CACNA1E: variants seen among roughly 807,000 people sequenced by gnomAD.
CACNA1E encodes the protein voltage-dependent R-type calcium channel subunit alpha-1E.
A neutral mutation model predicts 259.2 loss-of-function variants in CACNA1E; 40 were observed. The observed-to-expected ratio is 0.15, with a 90% CI of 0.12 to 0.20. CACNA1E has a LOEUF of 0.20. CACNA1E is among the 10% of genes least tolerant of loss of function. The pLI is 1.00. For synonymous variants in CACNA1E, 1,104 were observed against 1,138.5 expected (o/e 0.97, Z 0.61); for missense variants, 1,874 against 3,040.1 (o/e 0.62, Z 9.02).
chr1:181,393,808 C>T (rs1319805325), intron 1 of CACNA1E, among the ~76,000 whole-genome samples: 1 of 152,186 alleles, frequency 6.6e-6, no homozygotes, highest in African/African-American at 2.4e-5. Flanking sequence ...CTCATCTGGA[C>T]TCAAGACCTT....
intron 3 of CACNA1E, among the ~76,000 whole-genome samples, chr1:181,516,088 T>C (rs1161216876): frequency 1.3e-5 from 2 of 152,100 alleles, no homozygotes; most frequent in African/African-American, 4.8e-5. Context: ...GGGAGCTCAA[T>C]TTCTAGGCCA....
chr1:181,779,855 C>T (rs1660277053), intron 38 of CACNA1E, among the ~76,000 whole-genome samples: 1 of 151,712 alleles, frequency 6.6e-6, no homozygotes, highest in South Asian at 2.1e-4. Context: ...CACACAGGTC[C>T]ACCTTAGTCT....
chr1:181,425,845 G>A (rs61812687), intron 2 of CACNA1E, among the ~76,000 whole-genome samples: 9,859 of 152,004 alleles, frequency 0.065, 653 homozygotes, highest in African/African-American at 0.17. Context: ...TGAGGAAGAG[G>A]GCTTGTCCCC....
At position 181,732,398 on chromosome 1, in the gene CACNA1E, G is replaced by A. The variant is rs1244664714; in HGVS notation, c.2312G>A (p.Arg771His). The change falls in exon 20 of 48, where the codon CGC becomes CAC. Residue 771 changes from arginine (R) to histidine (H), a missense_variant. Physicochemically the swap from Arg to His is conservative, Grantham distance 29. Transcript: ENST00000367573. This position sits in a 1 kb window ranked among gnomAD's most constrained non-coding sequence, Gnocchi z 5.5. Reference sequence around the variant, plus strand: ...CCCCTTGGCAGGAGGGAGCGGAGGCGCCGGCACCACATGTCCGTGTGGGAG... The same window carrying A: ...CCCCTTGGCAGGAGGGAGCGGAGGCACCGGCACCACATGTCCGTGTGGGAG... ...PRSSHLRERR[R>H]RHHMSVWEQR... 5.9e-6 allele frequency: 9 copies of A among 1,528,944 alleles called. No individual in the cohort carries two copies. The highest frequency in any genetic ancestry group is 2.5e-5 in the South Asian group (2 of 79,306). 94.7% of individuals were successfully genotyped at this position (1,528,944 alleles called of 1,614,324 possible).
intron 1 of CACNA1E, among the ~76,000 whole-genome samples, chr1:181,362,924 T>A (rs1037611346): frequency 6.6e-6 from 1 of 152,220 alleles, no homozygotes; most frequent in African/African-American, 2.4e-5. Context: ...CCTTAGGATC[T>A]CGTTATAAGT....
intron 6 of CACNA1E, among the ~76,000 whole-genome samples, chr1:181,595,728 C>T (rs547907126): frequency 1.3e-5 from 2 of 152,292 alleles, no homozygotes; most frequent in East Asian, 3.9e-4. Context: ...GTATCCAGGG[C>T]TCCTGGGACT....
At chr1:181,763,185 C>T (rs921007169) in intron 33 of CACNA1E, among the ~76,000 whole-genome samples, 4 of 152,086 alleles carry the variant, frequency 2.6e-5, no homozygotes, top group African/African-American at 4.8e-5. Context: ...GTACCCTTCT[C>T]CAGTACATCC....
chr1:181,520,356 A>G (rs892057845), intron 3 of CACNA1E, among the ~76,000 whole-genome samples: 13 of 152,338 alleles, frequency 8.5e-5, no homozygotes, highest in African/African-American at 3.1e-4. Context: ...CAATAAAGCA[A>G]AATACCAAAT....
chr1:181,709,165 G>A (rs769376534), intron 7 of CACNA1E, among the ~76,000 whole-genome samples: 1 of 152,190 alleles, frequency 6.6e-6, no homozygotes, highest in Non-Finnish European at 1.5e-5. Context: ...TTGGTGGATG[G>A]TGATGTCATG....
intron 7 of CACNA1E, among the ~76,000 whole-genome samples, chr1:181,696,687 G>A (rs545122655): frequency 6.6e-6 from 1 of 152,296 alleles, no homozygotes; most frequent in Admixed American, 6.5e-5. Flanking sequence ...TTTCATGACT[G>A]CAGATGTAGA....
chr1:181,771,644 T>C (rs1051004167), intron 36 of CACNA1E: 7 of 486,694 alleles, frequency 1.4e-5, no homozygotes, highest in Non-Finnish European at 2.5e-5. Context: ...TGCTAAATAC[T>C]TGGGTGGGAG....
intron 3 of CACNA1E, among the ~76,000 whole-genome samples, chr1:181,526,939 G>A (rs1447994774): frequency 6.6e-6 from 1 of 152,174 alleles, no homozygotes; most frequent in South Asian, 2.1e-4. Flanking sequence ...ATGAGGAAAG[G>A]GAAGCATATA....
At chr1:181,687,445 T>C (rs1345743644) in intron 7 of CACNA1E, among the ~76,000 whole-genome samples, 1 of 152,154 alleles carries the variant, frequency 6.6e-6, no homozygotes, top group Admixed American at 6.5e-5. Context: ...CTCAGCTGGC[T>C]AAGTCTGAGA....
intron 6 of CACNA1E, among the ~76,000 whole-genome samples, chr1:181,596,635 A>G (rs1653203119): frequency 6.6e-6 from 1 of 151,068 alleles, no homozygotes; most frequent in African/African-American, 2.4e-5. Flanking sequence ...CTGCAGGCCC[A>G]GGGAGCTCTT....
chr1:181,469,574 C>T (rs552056636), intron 2 of CACNA1E, among the ~76,000 whole-genome samples: 13 of 152,090 alleles, frequency 8.5e-5, no homozygotes, highest in African/African-American at 3.1e-4. Context: ...AAAACAGAGC[C>T]GAAGATAAAG....
At chr1:181,474,476 G>GA (rs1210709792) in intron 2 of CACNA1E, among the ~76,000 whole-genome samples, 4 of 152,190 alleles carry the variant, frequency 2.6e-5, no homozygotes, top group Admixed American at 2.6e-4. Flanking sequence ...AAGCCTGTCT[G>GA]AAAACTTCCC....
chr1:181,382,052 C>G (rs1655493495), intron 1 of CACNA1E, among the ~76,000 whole-genome samples: 1 of 152,176 alleles, frequency 6.6e-6, no homozygotes, highest in Admixed American at 6.5e-5. Flanking sequence ...GGAAGAGAAG[C>G]CTGGGGACAG....
chr1:181,425,862 C>T (rs901984840), intron 2 of CACNA1E, among the ~76,000 whole-genome samples: 2 of 152,046 alleles, frequency 1.3e-5, no homozygotes, highest in African/African-American at 4.8e-5. Flanking sequence ...CCCCCTTTCC[C>T]CTCTGTCCCT....
intron 3 of CACNA1E, among the ~76,000 whole-genome samples, chr1:181,556,018 G>C (rs893182084): frequency 2.0e-5 from 3 of 152,196 alleles, no homozygotes; most frequent in African/African-American, 7.2e-5. Context: ...AATGATTTTG[G>C]AATAACAAAG....
Sources: allele counts gnomAD v4.1 joint callset (sites outside exome capture counted in the v4.1 genomes callset), GRCh38; gene constraint gnomAD v4.1.1; non-coding constraint Gnocchi (gnomAD v3.1); transcripts MANE v1.5; gene names NCBI Gene and HGNC (gene_info 2026-07-23, HGNC 2026-07-21).